RALGAPA2: variants seen among roughly 807,000 people sequenced by gnomAD.
RALGAPA2 encodes Ral GTPase activating protein catalytic subunit alpha 2, also known as ral GTPase-activating protein subunit alpha-2.
Under a neutral mutation model 230.4 loss-of-function variants are expected in RALGAPA2, and 139 were observed. The ratio of observed to expected loss-of-function variants is 0.60; its 90% CI spans 0.53 to 0.69. The LOEUF is 0.69. RALGAPA2 is among the 30% of genes least tolerant of loss of function. RALGAPA2 has a pLI of 0.00. For missense variants in RALGAPA2, 2,163 were observed against 2,276.0 expected (o/e 0.95, Z 1.01); for synonymous variants, 847 against 837.8 (o/e 1.01, Z -0.19).
chr20:20,576,543 T>C (rs2064824621), intron 20 of RALGAPA2, among the ~76,000 whole-genome samples: 1 of 152,174 alleles, frequency 6.6e-6, no homozygotes, highest in Non-Finnish European at 1.5e-5. Flanking sequence ...TTTTCCAACA[T>C]TCTTCAATCT....
intron 20 of RALGAPA2, among the ~76,000 whole-genome samples, 199 bp from the exon 21 acceptor site, chr20:20,573,267 G>C (rs999046243): frequency 1.6e-4 from 25 of 152,178 alleles, no homozygotes; most frequent in African/African-American, 5.8e-4. Context: ...AACTAAAAGA[G>C]CAACAAGCTA....
At chr20:20,698,294 A>T (rs753037762) in intron 1 of RALGAPA2, among the ~76,000 whole-genome samples, 2 of 150,792 alleles carry the variant, frequency 1.3e-5, no homozygotes, top group African/African-American at 2.4e-5. Context: ...TTTTTGAGAC[A>T]GAGTCTCACT....
intron 35 of RALGAPA2, 137 bp downstream of exon 35, chr20:20,503,214 C>A: frequency 1.2e-6 from 1 of 855,200 alleles, no homozygotes; most frequent in Non-Finnish European, 1.6e-6. Flanking sequence ...GCCTTCTTTC[C>A]CCAAACCTTA....
intron 39 of RALGAPA2, among the ~76,000 whole-genome samples, chr20:20,396,303 G>T (rs1453924738): frequency 6.6e-6 from 1 of 152,270 alleles, no homozygotes; most frequent in East Asian, 1.9e-4. Flanking sequence ...GCGGTCAAAG[G>T]CCGGCCCAGC....
intron 9 of RALGAPA2, among the ~76,000 whole-genome samples, chr20:20,630,919 AAAAG>A (rs1261271112): frequency 1.3e-5 from 2 of 152,060 alleles, no homozygotes; most frequent in African/African-American, 4.8e-5. Context: ...CACAAACTAA[AAAAG>A]AAAAAAAAAA....
chr20:20,413,190 G>A (rs563090488), intron 37 of RALGAPA2, among the ~76,000 whole-genome samples: 2 of 152,344 alleles, frequency 1.3e-5, no homozygotes, highest in South Asian at 2.1e-4. Flanking sequence ...ATTATTGGCA[G>A]CTCCAGAAGA....
At chr20:20,425,524 A>G (rs1029252853) in intron 37 of RALGAPA2, among the ~76,000 whole-genome samples, 4 of 152,198 alleles carry the variant, frequency 2.6e-5, no homozygotes, top group Non-Finnish European at 4.4e-5. Flanking sequence ...GTTTTCCAGG[A>G]AGATATTCAT....
chr20:20,395,464 C>G (rs1021136898), intron 39 of RALGAPA2, among the ~76,000 whole-genome samples: 1 of 152,250 alleles, frequency 6.6e-6, no homozygotes, highest in Non-Finnish European at 1.5e-5. Context: ...CTCACCTCCC[C>G]ACTTTGGCGG....
chr20:20,583,879 A>G (rs2065057064), intron 19 of RALGAPA2, among the ~76,000 whole-genome samples: 1 of 152,224 alleles, frequency 6.6e-6, no homozygotes, highest in Non-Finnish European at 1.5e-5. Flanking sequence ...CTACTTCATA[A>G]CAACTTTATG....
intron 1 of RALGAPA2, among the ~76,000 whole-genome samples, chr20:20,711,430 T>G (rs773456836): frequency 6.6e-6 from 1 of 152,306 alleles, no homozygotes; most frequent in Non-Finnish European, 1.5e-5. Flanking sequence ...TGTCTATAGA[T>G]AGCAAAGGTG....
chr20:20,651,261 T>C (rs1286336944), intron 4 of RALGAPA2, among the ~76,000 whole-genome samples: 1 of 152,246 alleles, frequency 6.6e-6, no homozygotes, highest in East Asian at 1.9e-4. Context: ...TGGACCTGTG[T>C]CAACACCAAT....
At chr20:20,402,548 G>C (rs2059867125) in intron 38 of RALGAPA2, among the ~76,000 whole-genome samples, 1 of 152,220 alleles carries the variant, frequency 6.6e-6, no homozygotes, top group Non-Finnish European at 1.5e-5. Context: ...GGCAATCCAG[G>C]ACAGGGGCTA....
intron 23 of RALGAPA2, among the ~76,000 whole-genome samples, chr20:20,559,782 A>C (rs2064201752): frequency 6.6e-6 from 1 of 152,164 alleles, no homozygotes; most frequent in Non-Finnish European, 1.5e-5. Flanking sequence ...TGATAGCTGA[A>C]CTTGGGCAGA....
At chr20:20,676,018 C>A (rs964991280) in intron 3 of RALGAPA2, among the ~76,000 whole-genome samples, 1 of 151,800 alleles carries the variant, frequency 6.6e-6, no homozygotes, top group Non-Finnish European at 1.5e-5. Flanking sequence ...GGTACCCATA[C>A]AGGAAAAACT....
intron 7 of RALGAPA2, among the ~76,000 whole-genome samples, chr20:20,639,185 G>A (rs1337231416): frequency 2.6e-5 from 4 of 152,174 alleles, no homozygotes; most frequent in East Asian, 1.9e-4. Context: ...TCAACAACTC[G>A]GTTGTGAAGG....
Position 20,503,405 on chromosome 20 carries a change from A to C in RALGAPA2, c.5154T>G (p.Ile1718Met). 1.2e-6 allele frequency: 2 copies of C among 1,605,810 alleles called. No individual in the cohort carries two copies. The highest frequency in any genetic ancestry group is 2.7e-5 in the African/African-American group (2 of 74,466). Reference protein sequence around the residue: ...PYYATSTVEVIFHVSTRMPSD... With the variant: ...PYYATSTVEVMFHVSTRMPSD... Reference sequence around the variant, plus strand: ...ACGGCATTCGAGTGGAAACATGGAAAATCACTTCCACAGTTGAGGTAGCAT... The same window carrying C: ...ACGGCATTCGAGTGGAAACATGGAACATCACTTCCACAGTTGAGGTAGCAT... Residue 1718 changes from isoleucine to methionine, a missense_variant, in exon 35 of 40, where the codon ATT becomes ATG. Physicochemically the swap from Ile to Met is conservative, Grantham distance 10. Coordinates refer to ENST00000202677, the MANE Select transcript of RALGAPA2 (RefSeq NM_020343.4).
intron 37 of RALGAPA2, among the ~76,000 whole-genome samples, chr20:20,442,107 C>G (rs747928037): frequency 2.0e-5 from 3 of 152,306 alleles, no homozygotes; most frequent in Middle Eastern, 3.4e-3. Context: ...GAGTGAGCAC[C>G]AAGCCGGGGT....
Position 20,530,173 on chromosome 20 carries a change from T to C in RALGAPA2, c.3582+1514A>G, listed in dbSNP as rs529878677. 3.3e-5 allele frequency among the ~76,000 whole-genome samples: 5 copies of C among 152,308 alleles called. No individual in the cohort carries two copies. The East Asian group carries it at 9.7e-4, about 29-fold the overall frequency. On this transcript the variant is annotated intron_variant, in intron 27 of 39. Coordinates refer to ENST00000202677, the MANE Select transcript of RALGAPA2 (RefSeq NM_020343.4). Reference sequence around the variant, plus strand: ...TGTTCTGGGTTTGGCTTTGGCAAGCTCCTTCAGTTCCTAGTCAGTTCATCT... The same window carrying C: ...TGTTCTGGGTTTGGCTTTGGCAAGCCCCTTCAGTTCCTAGTCAGTTCATCT...
Position 20,583,244 on chromosome 20 carries a change from C to T in RALGAPA2, c.2531-18G>A. 6.4e-7 allele frequency: 1 copy of T among 1,571,914 alleles called. No homozygotes were observed. Among genetic ancestry groups the T allele is most frequent in the Non-Finnish European group, 8.6e-7 (1 of 1,159,662 alleles). On this transcript the variant is annotated intron_variant, in intron 19 of 39. Transcript: ENST00000202677. The stretch of plus-strand genomic sequence containing the variant: ...ACTTTCACCTGGTACAATGGAAGAA[C>T]CAAAGTTTAAGATAAAAAATAGCTG...
Sources: allele counts gnomAD v4.1 joint callset (sites outside exome capture counted in the v4.1 genomes callset), GRCh38; gene constraint gnomAD v4.1.1; transcripts MANE v1.5; gene names NCBI Gene and HGNC (gene_info 2026-07-23, HGNC 2026-07-21).